EDNRB: variants seen among roughly 807,000 people sequenced by gnomAD.
EDNRB encodes the protein endothelin receptor type B, also known as Hirschsprung disease 2.
EDNRB carries 18 observed loss-of-function variants against 46.4 expected under a neutral mutation model. That is an observed-to-expected ratio of 0.39 (90% CI 0.27 to 0.57). EDNRB has a LOEUF of 0.57. Ranked by LOEUF, EDNRB falls within the 20% of genes least tolerant of loss-of-function variation. EDNRB has a pLI of 0.61. For synonymous variants in EDNRB, 213 were observed against 204.9 expected, an observed-to-expected ratio of 1.04 and a Z score of -0.34; for missense variants, 434 against 537.5, an observed-to-expected ratio of 0.81 and a Z score of 1.90.
At chr13:77,938,158 G>C (rs975119899) in intron 1 of EDNRB, among the ~76,000 whole-genome samples, 12 of 152,064 alleles carry the variant, frequency 7.9e-5, no homozygotes, top group African/African-American at 2.9e-4. Flanking sequence ...GGAATGGAGG[G>C]TGGAAGGTTG....
intron 1 of EDNRB, among the ~76,000 whole-genome samples, chr13:77,974,774 C>G (rs959356320): frequency 6.6e-6 from 1 of 152,154 alleles, no homozygotes; most frequent in African/African-American, 2.4e-5. Context: ...ACCTTTGAAA[C>G]AAGGGACCTT....
intron 6 of EDNRB, 126 bp from the exon 7 acceptor site, chr13:77,898,460 T>C: frequency 7.5e-7 from 1 of 1,339,662 alleles, no homozygotes; most frequent in Non-Finnish European, 1.0e-6. Context: ...TCAGTGCTCT[T>C]TTATTTTCCC....
At chr13:77,943,159 A>G (rs1034015872) in intron 1 of EDNRB, among the ~76,000 whole-genome samples, 1 of 152,132 alleles carries the variant, frequency 6.6e-6, no homozygotes, top group Admixed American at 6.6e-5. Flanking sequence ...GAAAATGTAT[A>G]AAACCCTTTC....
intron 1 of EDNRB, among the ~76,000 whole-genome samples, chr13:77,933,690 A>T (rs1880468671): frequency 6.6e-6 from 1 of 152,154 alleles, no homozygotes; most frequent in Admixed American, 6.5e-5. Context: ...AAGTGTGAGG[A>T]TGGCAAAAAT....
intron 1 of EDNRB, among the ~76,000 whole-genome samples, chr13:77,934,028 A>G (rs1020612605): frequency 6.6e-6 from 1 of 152,210 alleles, no homozygotes; most frequent in Non-Finnish European, 1.5e-5. Context: ...AGCAAAGATT[A>G]TTTATTTACT....
At chr13:77,923,617 A>T (rs117397541), upstream of EDNRB, among the ~76,000 whole-genome samples, 3 of 151,984 alleles carry the variant, frequency 2.0e-5, no homozygotes, top group South Asian at 4.2e-4. Flanking sequence ...ATTTTCTGTG[A>T]CTCTAATTGT....
intron 1 of EDNRB, among the ~76,000 whole-genome samples, chr13:77,929,120 T>C (rs1880317231): frequency 6.6e-6 from 1 of 152,158 alleles, no homozygotes; most frequent in Non-Finnish European, 1.5e-5. Flanking sequence ...TATGACACAT[T>C]TCTGGAAGTG....
At chr13:77,926,219 T>C (rs1027641081) in intron 1 of EDNRB, among the ~76,000 whole-genome samples, 1 of 152,198 alleles carries the variant, frequency 6.6e-6, no homozygotes, top group African/African-American at 2.4e-5. Context: ...CTTATGTCAA[T>C]TTCTGTAGCC....
chr13:77,927,693 ATCCAT>A (rs1248635787), intron 1 of EDNRB, among the ~76,000 whole-genome samples: 1 of 152,218 alleles, frequency 6.6e-6, no homozygotes, highest in Non-Finnish European at 1.5e-5. Flanking sequence ...CAGTATCTTT[ATCCAT>A]TCATTAATCT....
Position 77,903,989 on chromosome 13 carries a change from T to G in EDNRB, c.484-382A>C, listed in dbSNP as rs375543543. On this transcript the variant is annotated intron_variant, in intron 1 of 6. Coordinates refer to ENST00000646607, the MANE Select transcript of EDNRB (RefSeq NM_001122659.3). ...ATATGGGTTAATTAAAATTGAATGA[T>G]AAACAGTCCTTAGCTGAGGAGACCA... Among the ~76,000 whole-genome samples, 56 of 152,058 alleles carry G rather than the reference T, an allele frequency of 3.7e-4. No homozygotes were observed. The South Asian group carries it at 0.011, about 30-fold the overall frequency.
chr13:77,926,346 A>G (rs1463662782), intron 1 of EDNRB, among the ~76,000 whole-genome samples: 1 of 152,218 alleles, frequency 6.6e-6, no homozygotes, highest in Non-Finnish European at 1.5e-5. Flanking sequence ...TTAAAATGGA[A>G]TGCTTTTAAC....
At chr13:77,921,253 A>G (rs1024001409), upstream of EDNRB, among the ~76,000 whole-genome samples, 5 of 152,204 alleles carry the variant, frequency 3.3e-5, no homozygotes, top group Admixed American at 2.6e-4. Flanking sequence ...GATATTTTAA[A>G]GTATTCAGTT....
At chr13:77,919,437 G>A (rs772783197), upstream of EDNRB, 7 of 1,612,544 alleles carry the variant, frequency 4.3e-6, no homozygotes, top group South Asian at 7.7e-5. Context: ...GACGAATGGA[G>A]ACCACCTTCC....
At chr13:77,943,581 G>T (rs1227853878) in intron 1 of EDNRB, among the ~76,000 whole-genome samples, 1 of 151,992 alleles carries the variant, frequency 6.6e-6, no homozygotes, top group African/African-American at 2.4e-5. Context: ...TAATCATTCA[G>T]CTAGGTATGC....
chr13:77,935,834 T>C (rs183198538), intron 1 of EDNRB, among the ~76,000 whole-genome samples: 4 of 152,112 alleles, frequency 2.6e-5, no homozygotes, highest in Admixed American at 1.3e-4. Context: ...GAATAATGGA[T>C]TGTGGAGGGA....
intron 1 of EDNRB, among the ~76,000 whole-genome samples, chr13:77,928,736 C>T (rs1248052437): frequency 6.6e-6 from 1 of 152,120 alleles, no homozygotes; most frequent in African/African-American, 2.4e-5. Flanking sequence ...CTATTCTTAC[C>T]TTTACTCTAG....
chr13:77,935,542 T>C (rs2137658579), intron 1 of EDNRB, among the ~76,000 whole-genome samples: 1 of 151,834 alleles, frequency 6.6e-6, no homozygotes, highest in African/African-American at 2.4e-5. Context: ...AGGAAAGGAG[T>C]TGTTTTGTAG....
At chr13:77,955,007 T>C (rs888813268) in intron 1 of EDNRB, among the ~76,000 whole-genome samples, 2 of 152,208 alleles carry the variant, frequency 1.3e-5, no homozygotes, top group Admixed American at 1.3e-4. Context: ...CTGAATCATA[T>C]GGCAGTTCTA....
intron 1 of EDNRB, among the ~76,000 whole-genome samples, chr13:77,926,675 C>T (rs1880246934): frequency 6.6e-6 from 1 of 152,164 alleles, no homozygotes; most frequent in Admixed American, 6.5e-5. Flanking sequence ...TAAACTCTTC[C>T]ACCTCTGCGT....
Sources: allele counts gnomAD v4.1 joint callset (sites outside exome capture counted in the v4.1 genomes callset), GRCh38; gene constraint gnomAD v4.1.1; transcripts MANE v1.5; gene names NCBI Gene and HGNC (gene_info 2026-07-23, HGNC 2026-07-21).